Variants in ATP6V0A2 observed in about 807,000 individuals in gnomAD.
ATP6V0A2 encodes ATPase H+ transporting V0 subunit a2.
Under a neutral mutation model 104.4 loss-of-function variants are expected in ATP6V0A2, and 58 were observed. That is an observed-to-expected ratio of 0.56 (90% CI 0.45 to 0.69). The LOEUF (loss-of-function observed/expected upper bound fraction) is 0.69. Among genes scored for constraint, ATP6V0A2 ranks in the 30% least tolerant of loss-of-function variants. The probability of loss-of-function intolerance (pLI) is 0.00; values close to 1 mark genes in which losing one functional copy is unlikely to be tolerated. For synonymous variants in ATP6V0A2, 376 were observed against 397.9 expected, an observed-to-expected ratio of 0.95 and a Z score of 0.65; for missense variants, 938 against 1,062.9, an observed-to-expected ratio of 0.88 and a Z score of 1.63.
At chr12:123,735,726 A>C (rs1254034442) in intron 8 of ATP6V0A2, 102 bp downstream of exon 8, 10 of 1,003,418 alleles carry the variant, frequency 1.0e-5, no homozygotes, top group Non-Finnish European at 1.5e-5. Flanking sequence ...GGTCGTAGAC[A>C]AATCAAGATG....
Position 123,724,695 on chromosome 12 carries a change from T to A in ATP6V0A2, c.336T>A (p.Thr112=), listed in dbSNP as rs1566276347. The A allele has an allele frequency of 3.7e-6, 6 of 1,613,868 alleles. No individual in the cohort carries two copies. The highest frequency in any genetic ancestry group is 3.3e-4 in the Middle Eastern group (2 of 6,062). The change falls in exon 4 of 20, where the codon ACT becomes ACA. Residue 112 remains threonine, a synonymous_variant. Coordinates refer to ENST00000330342, the MANE Select transcript of ATP6V0A2 (RefSeq NM_012463.4). ...TCGAGGTTGAACTGAGAGAAGTCAC[T>A]AAGAACAAGGAGAAACTGAGGAAAA... is the stretch of plus-strand genomic sequence containing the variant. ...QKLEVELREV[T]KNKEKLRKNL...
At chr12:123,719,525 T>G (rs772415883) in intron 2 of ATP6V0A2, among the ~76,000 whole-genome samples, 11 of 152,088 alleles carry the variant, frequency 7.2e-5, no homozygotes, top group Non-Finnish European at 1.6e-4. Context: ...TAGCTGGGAC[T>G]ATAGGTGCGT....
chr12:123,746,478 C>G (rs1448684527), intron 13 of ATP6V0A2, among the ~76,000 whole-genome samples: 1 of 151,410 alleles, frequency 6.6e-6, no homozygotes, highest in Non-Finnish European at 1.5e-5. Flanking sequence ...AACTGGGAGG[C>G]TAGAAATTTT....
intron 6 of ATP6V0A2, among the ~76,000 whole-genome samples, chr12:123,730,359 G>A (rs1051681196): frequency 2.0e-4 from 30 of 152,008 alleles, no homozygotes; most frequent in Admixed American, 5.2e-4. Context: ...CCGGCCAGGA[G>A]TTAGGTCTTG....
In ATP6V0A2 at chr12:123,735,647, G is replaced by C. The variant is rs1418779101; in HGVS notation, c.825+23G>C. On this transcript the variant is annotated intron_variant, in intron 8 of 19. Coordinates refer to ENST00000330342, the MANE Select transcript of ATP6V0A2 (RefSeq NM_012463.4). The stretch of plus-strand genomic sequence containing the variant: ...ACTGTGAGTAAGCTGGAAGTGGATT[G>C]CCTCTTTATCTGAGGGCTGCCAAAC... 2.5e-6 allele frequency: 4 copies of C among 1,582,892 alleles called. No homozygotes were observed. In the African/African-American group the frequency reaches 4.0e-5, roughly 16 times the overall value.
chr12:123,728,862 A>G (rs10734907), intron 6 of ATP6V0A2, among the ~76,000 whole-genome samples: 92,104 of 143,270 alleles, frequency 0.64, 29,420 homozygotes, highest in East Asian at 0.92. Context: ...ATTACTGGTC[A>G]TGGTCACTCT....
intron 2 of ATP6V0A2, among the ~76,000 whole-genome samples, 187 bp from the exon 3 acceptor site, chr12:123,722,164 G>A (rs1293266552): frequency 6.6e-6 from 1 of 152,148 alleles, no homozygotes; most frequent in Non-Finnish European, 1.5e-5. Flanking sequence ...GATCTCTCTA[G>A]GCAGCATTAT....
At chr12:123,752,177 C>G in intron 16 of ATP6V0A2, 106 bp from the exon 17 acceptor site, 1 of 1,507,752 alleles carries the variant, frequency 6.6e-7, no homozygotes, top group South Asian at 1.1e-5. Context: ...CTTTTTTATT[C>G]TCAAAGAGCT....
intron 7 of ATP6V0A2, 32 bp from the exon 8 acceptor site, chr12:123,735,499 A>G: frequency 6.3e-7 from 1 of 1,588,024 alleles, no homozygotes; most frequent in Non-Finnish European, 8.6e-7. Context: ...GTGCTGACAG[A>G]TGTGAGACTG....
In ATP6V0A2 at chr12:123,758,576, A is replaced by C. The variant is rs1490628315; in HGVS notation, c.*544A>C. 6.6e-6 allele frequency: 1 copy of C among 150,552 alleles called. No individual in the cohort carries two copies. The highest frequency in any genetic ancestry group is 1.5e-5 in the Non-Finnish European group (1 of 68,144). The allele number at this position is 150,552 out of a possible 1,614,324, so 9.3% of individuals were successfully genotyped here. A position where few individuals can be genotyped will look rare whatever the true frequency, so the allele number is the denominator to read the frequency against. ...TGCTGTGTCACGTAGGCTGGAGTGC[A>C]ATGGCACGATCGTGTCTCATTGCAA... On this transcript the variant is annotated 3_prime_UTR_variant, in exon 20 of 20. Transcript: ENST00000330342.
intron 17 of ATP6V0A2, among the ~76,000 whole-genome samples, chr12:123,753,409 G>A (rs922884592): frequency 1.3e-5 from 2 of 152,220 alleles, no homozygotes; most frequent in African/African-American, 4.8e-5. Flanking sequence ...TGGCAGGCCC[G>A]GACTGAGATG....
Position 123,714,954 on chromosome 12 carries a change from C to T in ATP6V0A2, c.117+2272C>T, listed in dbSNP as rs1234562926. Among the ~76,000 whole-genome samples the T allele has an allele frequency of 2.0e-5, 3 of 152,078 alleles. No homozygotes were observed. The East Asian group carries it at 5.8e-4, about 29-fold the overall frequency. ...AATTAGCTGGGCATGGCGGGGTGTG[C>T]CTGTAGTCCTAGCTACTCTCAGAAG... On this transcript the variant is annotated intron_variant, in intron 1 of 19. Coordinates refer to ENST00000330342, the MANE Select transcript of ATP6V0A2 (RefSeq NM_012463.4).
At chr12:123,748,506 A>G in intron 14 of ATP6V0A2, 69 bp from the exon 15 acceptor site, 1 of 1,156,220 alleles carries the variant, frequency 8.6e-7, no homozygotes, top group South Asian at 1.2e-5. Context: ...AGTTGCAGAG[A>G]GTTTAATTTA....
intron 8 of ATP6V0A2, among the ~76,000 whole-genome samples, chr12:123,736,185 C>CTTT (rs75644082): frequency 6.2e-4 from 51 of 81,876 alleles, no homozygotes; most frequent in South Asian, 9.1e-4. Flanking sequence ...GATTGTGATT[C>CTTT]TTTTTTTTTT....
At chr12:123,739,196 T>C (rs1433173119) in intron 9 of ATP6V0A2, among the ~76,000 whole-genome samples, 1 of 152,240 alleles carries the variant, frequency 6.6e-6, no homozygotes, top group Non-Finnish European at 1.5e-5. Flanking sequence ...AGTGACCACA[T>C]GTCCACCTCC....
chr12:123,716,788 CAA>C (rs376468660), intron 1 of ATP6V0A2, among the ~76,000 whole-genome samples: 46,509 of 127,580 alleles, frequency 0.36, 7,586 homozygotes, highest in Middle Eastern at 0.44. Flanking sequence ...GATCCTGTCT[CAA>C]AAAAAAAAAA....
rs1956645886 is a variant in ATP6V0A2, at chr12:123,744,902, A to G, written c.1535A>G (p.Asn512Ser). The G allele has an allele frequency of 6.2e-7, 1 of 1,614,126 alleles. No individual in the cohort carries two copies. The highest frequency in any genetic ancestry group is 1.6e-4 in the Middle Eastern group (1 of 6,062). Reference sequence around the variant, plus strand: ...TACAGTGACAGCGTCGTTAGACACAACAGCATTTTGCAGCTGGATCCAAGC... The same window carrying G: ...TACAGTGACAGCGTCGTTAGACACAGCAGCATTTTGCAGCTGGATCCAAGC... ...VLWNDSVVRH[N>S]SILQLDPSIP... Residue 512 changes from asparagine to serine, a missense_variant, in exon 13 of 20, where the codon AAC (asparagine) becomes AGC (serine). By Grantham distance (46) the Asn-to-Ser change is conservative (BLOSUM62 1). Coordinates refer to ENST00000330342, the MANE Select transcript of ATP6V0A2 (RefSeq NM_012463.4). The surrounding 1 kb of genome is among the most constrained non-coding windows in gnomAD (Gnocchi z 5.4).
At chr12:123,751,862 C>CTTTTTTTT (rs34862238) in intron 16 of ATP6V0A2, among the ~76,000 whole-genome samples, 3 of 123,452 alleles carry the variant, frequency 2.4e-5, no homozygotes, top group Non-Finnish European at 4.9e-5. Flanking sequence ...TTCTTTCTTT[C>CTTTTTTTT]TTTTTTTTTT....
At chr12:123,712,834 C>A in intron 1 of ATP6V0A2, 152 bp downstream of exon 1, 1 of 770,682 alleles carries the variant, frequency 1.3e-6, no homozygotes, top group Non-Finnish European at 2.2e-6. Context: ...GCTCAGCGGC[C>A]AAAGCTTCCC....
Sources: allele counts gnomAD v4.1 joint callset (sites outside exome capture counted in the v4.1 genomes callset), GRCh38; gene constraint gnomAD v4.1.1; non-coding constraint Gnocchi (gnomAD v3.1); transcripts MANE v1.5; gene names NCBI Gene and HGNC (gene_info 2026-07-23, HGNC 2026-07-21).